RANBP17: variants seen among roughly 807,000 people sequenced by gnomAD.
The protein encoded by RANBP17 is RAN binding protein 17.
RANBP17 carries 158 observed loss-of-function variants against 141.2 expected under a neutral mutation model. The observed-to-expected ratio is 1.12, with a 90% CI of 0.98 to 1.28. RANBP17 has a LOEUF of 1.28. Ranked by LOEUF, RANBP17 falls within the 50% of genes most tolerant of loss-of-function variation. The pLI, the probability that RANBP17 is intolerant of heterozygous loss-of-function variation, is 0.00. For missense variants in RANBP17, 1,438 were observed against 1,290.7 expected, an observed-to-expected ratio of 1.11 and a Z score of -1.75; for synonymous variants, 430 against 450.0, an observed-to-expected ratio of 0.96 and a Z score of 0.56.
intron 14 of RANBP17, among the ~76,000 whole-genome samples, chr5:170,992,304 G>C (rs1380727026): frequency 6.6e-6 from 1 of 151,942 alleles, no homozygotes; most frequent in Non-Finnish European, 1.5e-5. Context: ...TTCCTTGCCA[G>C]TAAAATAAAA....
At chr5:171,112,659 T>A (rs200027605) in intron 14 of RANBP17, among the ~76,000 whole-genome samples, 6,933 of 151,800 alleles carry the variant, frequency 0.046, 188 homozygotes, top group East Asian at 0.11. Flanking sequence ...TCTTAAAGAG[T>A]TCTTATAACC....
chr5:171,076,320 C>G (rs975507918), intron 14 of RANBP17, among the ~76,000 whole-genome samples: 2 of 152,098 alleles, frequency 1.3e-5, no homozygotes, highest in African/African-American at 4.8e-5. Flanking sequence ...AAAGAAGAAA[C>G]AATGAAAGAT....
At chr5:171,186,526 CTTTTT>C (rs757585137) in intron 18 of RANBP17, among the ~76,000 whole-genome samples, 38 of 41,654 alleles carry the variant, frequency 9.1e-4, no homozygotes, top group Non-Finnish European at 1.4e-3. Context: ...GTATGATTTT[CTTTTT>C]TTTTTTTTTT....
intron 14 of RANBP17, among the ~76,000 whole-genome samples, chr5:171,096,441 G>A (rs935262360): frequency 2.0e-5 from 3 of 152,164 alleles, no homozygotes; most frequent in Non-Finnish European, 4.4e-5. Context: ...GAGGAAATCC[G>A]AGGAGAAATG....
At chr5:170,874,208 T>C (rs558494995) in intron 1 of RANBP17, among the ~76,000 whole-genome samples, 1 of 152,302 alleles carries the variant, frequency 6.6e-6, no homozygotes, top group Admixed American at 6.5e-5. Context: ...GAGACTGTTA[T>C]GATTTCAGTT....
At chr5:171,224,690 G>T (rs188279358) in intron 22 of RANBP17, among the ~76,000 whole-genome samples, 14 of 152,140 alleles carry the variant, frequency 9.2e-5, no homozygotes, top group African/African-American at 3.4e-4. Flanking sequence ...TGGAGTGGGG[G>T]AAGAGACAAA....
chr5:170,916,780 A>G (rs187213103), intron 9 of RANBP17, among the ~76,000 whole-genome samples, 196 bp downstream of exon 9: 30 of 150,040 alleles, frequency 2.0e-4, no homozygotes, highest in East Asian at 2.0e-3. Context: ...CAGTGGTGCA[A>G]TCTTGGCTCA....
At chr5:171,190,954 G>T (rs1487686217) in intron 18 of RANBP17, among the ~76,000 whole-genome samples, 1 of 152,212 alleles carries the variant, frequency 6.6e-6, no homozygotes, top group Non-Finnish European at 1.5e-5. Flanking sequence ...TGAGAAGCAC[G>T]TGGATAGGAT....
At chr5:170,998,727 CTT>C (rs1481712643) in intron 14 of RANBP17, among the ~76,000 whole-genome samples, 7 of 152,032 alleles carry the variant, frequency 4.6e-5, no homozygotes, top group South Asian at 4.2e-4. Flanking sequence ...CAAATCGTCT[CTT>C]ATGGTTTTAA....
chr5:171,293,974 A>C lies in RANBP17; in HGVS notation c.3035A>C (p.Asn1012Thr), dbSNP rs763756678. ...SRPLLGLILL[N>T]EKYFSELRAS... ...CCTCTCCTGGGGCTCATCCTGCTCAATGAGAAGGTGAGTGTGATTGCAGGA... is the reference window on the plus strand; with the variant it reads ...CCTCTCCTGGGGCTCATCCTGCTCACTGAGAAGGTGAGTGTGATTGCAGGA... The change falls in exon 26 of 28, where the codon AAT (asparagine) becomes ACT (threonine). Residue 1012 changes from asparagine (N) to threonine (T), a missense_variant. Transcript: ENST00000523189. 2 of 1,611,226 alleles carry C rather than the reference A, an allele frequency of 1.2e-6. No individual in the cohort carries two copies. Among genetic ancestry groups the C allele is most frequent in the Non-Finnish European group, 1.7e-6 (2 of 1,177,416 alleles).
At position 170,968,326 on chromosome 5, in the gene RANBP17, G is replaced by A; in HGVS notation, c.1659G>A (p.Leu553=). 3 of 1,609,336 alleles carry A rather than the reference G, an allele frequency of 1.9e-6. No homozygotes were observed. Among genetic ancestry groups the A allele is most frequent in the Non-Finnish European group, 2.5e-6 (3 of 1,177,870 alleles). Residue 553 remains leucine (L), a synonymous_variant, in exon 14 of 28, where the codon TTG becomes TTA. Transcript: ENST00000523189. ...TAGAGCTTGCAATTCTGTGGTTCTT[G>A]GATCAGTTTCGTAAAACATATGTTG... ...EKIELAILWF[L]DQFRKTYVGD...
At chr5:171,159,552 A>G (rs777668478) in intron 14 of RANBP17, among the ~76,000 whole-genome samples, 1 of 152,144 alleles carries the variant, frequency 6.6e-6, no homozygotes, top group Non-Finnish European at 1.5e-5. Flanking sequence ...TTGGGAGCCC[A>G]TCACCTAAAA....
chr5:170,866,107 G>A (rs1365289581), intron 1 of RANBP17, among the ~76,000 whole-genome samples: 1 of 152,116 alleles, frequency 6.6e-6, no homozygotes, highest in African/African-American at 2.4e-5. Context: ...GTGACCCAAA[G>A]TCCTGATCCT....
At chr5:171,048,117 C>T (rs141588603) in intron 14 of RANBP17, among the ~76,000 whole-genome samples, 236 of 152,246 alleles carry the variant, frequency 1.6e-3, no homozygotes, top group Middle Eastern at 3.4e-3. Flanking sequence ...TCCTGGAGTG[C>T]GATGACACAA....
At chr5:171,150,402 TATTA>T (rs1758388031) in intron 14 of RANBP17, among the ~76,000 whole-genome samples, 1 of 151,942 alleles carries the variant, frequency 6.6e-6, no homozygotes, top group Admixed American at 6.6e-5. Flanking sequence ...AGAATGTAAA[TATTA>T]ATTTATATGT....
At chr5:170,957,016 G>A (rs1450340733) in intron 13 of RANBP17, among the ~76,000 whole-genome samples, 1 of 151,148 alleles carries the variant, frequency 6.6e-6, no homozygotes, top group African/African-American at 2.4e-5. Context: ...CTTGCAGTGA[G>A]CCGAGATCGT....
chr5:171,070,011 C>T (rs1010434599), intron 14 of RANBP17, among the ~76,000 whole-genome samples: 5 of 152,044 alleles, frequency 3.3e-5, no homozygotes, highest in Admixed American at 1.3e-4. Context: ...ATTAAACAGA[C>T]GGGAACTCTT....
At chr5:171,110,072 T>C (rs74291533) in intron 14 of RANBP17, among the ~76,000 whole-genome samples, 7,983 of 152,006 alleles carry the variant, frequency 0.053, 262 homozygotes, top group East Asian at 0.12. Context: ...TTTTCTTATT[T>C]ATATATTTTA....
intron 14 of RANBP17, among the ~76,000 whole-genome samples, chr5:171,004,315 A>G (rs764004103): frequency 6.6e-6 from 1 of 152,196 alleles, no homozygotes; most frequent in Non-Finnish European, 1.5e-5. Flanking sequence ...ATGTGGCTGC[A>G]GTCCAGGAAT....
Sources: gnomAD v4.1 joint callset for allele counts (sites outside exome capture counted in the v4.1 genomes callset) on GRCh38, gnomAD v4.1.1 for gene constraint, MANE v1.5 for transcripts, NCBI Gene and HGNC (gene_info 2026-07-23, HGNC 2026-07-21) for gene names.